Variants in TRERF1 observed in about 807,000 individuals in gnomAD.
The protein encoded by TRERF1 is transcriptional-regulating factor 1.
TRERF1 carries 27 observed loss-of-function variants against 122.9 expected under a neutral mutation model. The observed-to-expected ratio is 0.22, with a 90% confidence interval of 0.16 to 0.30. The LOEUF is 0.30. Among genes scored for constraint, TRERF1 ranks in the 10% least tolerant of loss-of-function variants. The probability of loss-of-function intolerance (pLI) is 1.00; values close to 1 mark genes in which losing one functional copy is unlikely to be tolerated. For missense variants in TRERF1, 1,248 were observed against 1,560.3 expected (o/e 0.80, Z 3.37); for synonymous variants, 636 against 641.7 (o/e 0.99, Z 0.13).
rs1446686707 is a variant in TRERF1, at chr6:42,376,333, A to C, written c.-453-13254T>G. ...GCAGCCACATATCCGCTTAGCATGA[A>C]TGCTTCCAGAGGATCGTTCCTGGAA... On this transcript the variant is annotated intron_variant, in intron 2 of 17. Coordinates refer to ENST00000372922, the Ensembl canonical transcript of TRERF1. Among the ~76,000 whole-genome samples, 7 of 152,174 alleles carry C rather than the reference A, an allele frequency of 4.6e-5. No homozygotes were observed. The East Asian group carries it at 1.3e-3, about 29-fold the overall frequency.
intron 10 of TRERF1, among the ~76,000 whole-genome samples, chr6:42,257,850 C>T (rs1019219277): frequency 6.6e-6 from 1 of 152,194 alleles, no homozygotes; most frequent in Non-Finnish European, 1.5e-5. Context: ...GAGGGAGATG[C>T]CTGTGTCACT....
intron 2 of TRERF1, among the ~76,000 whole-genome samples, chr6:42,419,609 T>C (rs146627107): frequency 2.8e-4 from 43 of 152,256 alleles, no homozygotes; most frequent in Middle Eastern, 6.8e-3. Flanking sequence ...AGAGGAGATA[T>C]AGCACTCCAA....
rs745977920 is a variant in TRERF1 at position 42,263,274 on chromosome 6, G to A, written c.1884+46C>T. 3.2e-6 allele frequency: 5 copies of A among 1,564,300 alleles called. No individual in the cohort carries two copies. Among genetic ancestry groups the A allele is most frequent in the Non-Finnish European group, 4.3e-6 (5 of 1,150,374 alleles). The stretch of plus-strand genomic sequence containing the variant: ...CAGCAACTCACAGCAGGCGTGCGGG[G>A]GGCAGCCCCTTGGGGTGAGTGTGGG... On this transcript the variant is annotated intron_variant, in intron 8 of 17. Transcript: ENST00000372922. The surrounding 1 kb of genome is among the most constrained non-coding windows in gnomAD (Gnocchi z 5.6).
At chr6:42,299,080 A>ATATCTATCTATCTATCTATC (rs10627055) in intron 4 of TRERF1, among the ~76,000 whole-genome samples, 1 of 134,616 alleles carries the variant, frequency 7.4e-6, no homozygotes, top group African/African-American at 3.1e-5. Context: ...GTCTCTAAAA[A>ATATCTATCTATCTATCTATC]TATCTATCTA....
intron 14 of TRERF1, among the ~76,000 whole-genome samples, chr6:42,244,368 G>A (rs1774370762): frequency 6.6e-6 from 1 of 151,964 alleles, no homozygotes; most frequent in Non-Finnish European, 1.5e-5. Flanking sequence ...ATTTTTAGTA[G>A]AGACGTGGTT....
intron 2 of TRERF1, among the ~76,000 whole-genome samples, chr6:42,444,029 G>C (rs901725976): frequency 6.6e-6 from 1 of 151,984 alleles, no homozygotes; most frequent in Non-Finnish European, 1.5e-5. Context: ...CTAGTCCAGA[G>C]CCTTGGTGTA....
At chr6:42,255,345 T>C (rs534404647) in intron 12 of TRERF1, among the ~76,000 whole-genome samples, 3 of 152,348 alleles carry the variant, frequency 2.0e-5, no homozygotes, top group South Asian at 2.1e-4. Context: ...GCATCAGTAA[T>C]AACTGTACTA....
At chr6:42,236,029 C>T (rs1772096811) in intron 16 of TRERF1, among the ~76,000 whole-genome samples, 176 bp downstream of exon 16, 2 of 152,220 alleles carry the variant, frequency 1.3e-5, no homozygotes, top group African/African-American at 4.8e-5. Flanking sequence ...ACAGAACACA[C>T]ACTCTGTAAA....
At chr6:42,399,458 T>C (rs1186330246) in intron 2 of TRERF1, among the ~76,000 whole-genome samples, 1 of 152,104 alleles carries the variant, frequency 6.6e-6, no homozygotes, top group Non-Finnish European at 1.5e-5. Context: ...GGTATCTGCT[T>C]GCATGAAAGG....
At chr6:42,359,850 A>G (rs1771375344) in intron 3 of TRERF1, among the ~76,000 whole-genome samples, 1 of 152,196 alleles carries the variant, frequency 6.6e-6, no homozygotes, top group Non-Finnish European at 1.5e-5. Context: ...ATTGCCATAA[A>G]ATTTTAAAAT....
At chr6:42,244,794 G>T (rs775991080) in intron 14 of TRERF1, among the ~76,000 whole-genome samples, 2 of 152,232 alleles carry the variant, frequency 1.3e-5, no homozygotes, top group Non-Finnish European at 2.9e-5. Context: ...CTTAGGTTTT[G>T]CAGGAAATGG....
intron 2 of TRERF1, among the ~76,000 whole-genome samples, chr6:42,433,924 G>A (rs1213146956): frequency 2.6e-5 from 4 of 152,142 alleles, no homozygotes; most frequent in Admixed American, 2.0e-4. Flanking sequence ...ACGGGAGGCT[G>A]AGTCAGGAGG....
chr6:42,293,114 A>G (rs558273117), intron 4 of TRERF1, among the ~76,000 whole-genome samples: 1 of 152,310 alleles, frequency 6.6e-6, no homozygotes, highest in East Asian at 1.9e-4. Flanking sequence ...TGATGGGCAC[A>G]TGGGCCTTCC....
chr6:42,343,216 T>G (rs1442169296), intron 3 of TRERF1, among the ~76,000 whole-genome samples: 1 of 152,198 alleles, frequency 6.6e-6, no homozygotes, highest in African/African-American at 2.4e-5. Context: ...ATATAAATTA[T>G]AGACTGCCAA....
rs145669532 is a variant in TRERF1 at position 42,247,459 on chromosome 6, A to G, written c.2657-915T>C. Among the ~76,000 whole-genome samples, 250 of 152,310 alleles carry G rather than the reference A, an allele frequency of 1.6e-3. 5 individuals carry two copies. In the East Asian group the frequency reaches 0.042, roughly 26 times the overall value. On this transcript the variant is annotated intron_variant, in intron 13 of 17. Coordinates refer to ENST00000372922, the Ensembl canonical transcript of TRERF1. ...TGTTAGGATGATGAGCCCATTTGAC[A>G]AATGAGGAAATGGAGGTTTTCAAAG...
chr6:42,245,373 G>T (rs557563178), intron 14 of TRERF1, among the ~76,000 whole-genome samples: 3 of 152,346 alleles, frequency 2.0e-5, no homozygotes, highest in Admixed American at 1.3e-4. Flanking sequence ...ACTTGCCCAG[G>T]CAAGGCCCTA....
At chr6:42,370,960 T>C (rs1773654616) in intron 2 of TRERF1, among the ~76,000 whole-genome samples, 1 of 152,182 alleles carries the variant, frequency 6.6e-6, no homozygotes. Context: ...CAAGGCTTTC[T>C]GAGTCTCTGC....
At chr6:42,252,127 C>T (rs1582571859) in intron 13 of TRERF1, among the ~76,000 whole-genome samples, 1 of 152,360 alleles carries the variant, frequency 6.6e-6, no homozygotes, top group South Asian at 2.1e-4. Flanking sequence ...GCCACTGCAA[C>T]AGCACTTTCC....
At chr6:42,311,778 A>C (rs1317424195) in intron 3 of TRERF1, among the ~76,000 whole-genome samples, 2 of 144,308 alleles carry the variant, frequency 1.4e-5, no homozygotes, top group Non-Finnish European at 3.0e-5. Flanking sequence ...AAAAAAAAAA[A>C]AAAAAAAAAA....
Sources: allele counts gnomAD v4.1 joint callset (sites outside exome capture counted in the v4.1 genomes callset), GRCh38; gene constraint gnomAD v4.1.1; non-coding constraint Gnocchi (gnomAD v3.1); transcripts MANE v1.5; gene names NCBI Gene and HGNC (gene_info 2026-07-23, HGNC 2026-07-21).